The following ROR1 variants were observed in gnomAD, a reference collection of about 807,000 sequenced individuals.
ROR1 encodes the protein ROR family WNT receptor 1.
In ROR1, 19 loss-of-function variants were observed where a neutral mutation model predicts 78.8. The ratio of observed to expected loss-of-function variants is 0.24; its 90% confidence interval spans 0.17 to 0.35. The LOEUF is 0.35. Ranked by LOEUF, ROR1 falls within the 10% of genes least tolerant of loss-of-function variation. The pLI, the probability that ROR1 is intolerant of heterozygous loss-of-function variation, is 1.00. For synonymous variants in ROR1, 386 were observed against 433.6 expected, an observed-to-expected ratio of 0.89 and a Z score of 1.36; for missense variants, 917 against 1,177.8, an observed-to-expected ratio of 0.78 and a Z score of 3.24.
At chr1:63,936,583 C>T (rs1019189008) in intron 1 of ROR1, among the ~76,000 whole-genome samples, 2 of 152,160 alleles carry the variant, frequency 1.3e-5, no homozygotes, top group African/African-American at 2.4e-5. Flanking sequence ...AGAAATTTAA[C>T]TTGACACCAT....
chr1:63,790,567 A>G (rs1644719960), intron 1 of ROR1, among the ~76,000 whole-genome samples: 1 of 152,176 alleles, frequency 6.6e-6, no homozygotes, highest in African/African-American at 2.4e-5. Flanking sequence ...ATTGGCAACC[A>G]ATTCAGATTC....
At chr1:64,156,774 C>T (rs983705632) in intron 7 of ROR1, among the ~76,000 whole-genome samples, 1 of 151,796 alleles carries the variant, frequency 6.6e-6, no homozygotes, top group Non-Finnish European at 1.5e-5. Context: ...AGTGTTATTC[C>T]CTTCCTTTCA....
intron 1 of ROR1, among the ~76,000 whole-genome samples, chr1:63,777,965 A>G (rs567375635): frequency 6.6e-6 from 1 of 152,368 alleles, no homozygotes; most frequent in African/African-American, 2.4e-5. Context: ...GCAACATGGC[A>G]TATTTTCAAG....
chr1:63,857,745 GA>G (rs1381237464), intron 1 of ROR1, among the ~76,000 whole-genome samples: 1 of 152,202 alleles, frequency 6.6e-6, no homozygotes, highest in Non-Finnish European at 1.5e-5. Flanking sequence ...GGATCTTTAA[GA>G]GTCGGTAGAA....
chr1:63,942,993 A>G (rs538990157), intron 1 of ROR1, among the ~76,000 whole-genome samples: 1 of 151,228 alleles, frequency 6.6e-6, no homozygotes, highest in East Asian at 2.0e-4. Context: ...AGGAGGCTGA[A>G]GTGGGAGGAT....
rs1645375583 is a variant in ROR1 at position 63,888,911 on chromosome 1, G to GT, written c.91+114405dup. On this transcript the variant is annotated intron_variant, in intron 1 of 8. Coordinates refer to ENST00000371079, the MANE Select transcript of ROR1 (RefSeq NM_005012.4). ...AACCAATAACCCCAAAATTTAGCAGGTTAAACCCATAAAAGTTCATTATCT... is the reference window on the plus strand; with the variant it reads ...AACCAATAACCCCAAAATTTAGCAGGTTTAAACCCATAAAAGTTCATTATCT... 2.6e-5 allele frequency among the ~76,000 whole-genome samples: 4 copies of GT among 152,178 alleles called. No homozygotes were observed. In the South Asian group the frequency reaches 8.3e-4, roughly 32 times the overall value.
intron 1 of ROR1, among the ~76,000 whole-genome samples, chr1:63,972,374 T>TG (rs1417324316): frequency 6.6e-6 from 1 of 152,156 alleles, no homozygotes; most frequent in Non-Finnish European, 1.5e-5. Flanking sequence ...CCAACTTTGG[T>TG]GCATTTTTTC....
At chr1:63,811,657 G>A (rs143336106) in intron 1 of ROR1, among the ~76,000 whole-genome samples, 4 of 152,210 alleles carry the variant, frequency 2.6e-5, no homozygotes, top group African/African-American at 9.6e-5. Flanking sequence ...AGTAAGTAAG[G>A]TTCTGCTAGT....
intron 4 of ROR1, among the ~76,000 whole-genome samples, chr1:64,108,701 A>G (rs961524194): frequency 6.6e-6 from 1 of 152,134 alleles, no homozygotes; most frequent in South Asian, 2.1e-4. Flanking sequence ...AAGTTAGCAA[A>G]AGAGTGTTCA....
intron 7 of ROR1, among the ~76,000 whole-genome samples, chr1:64,149,538 T>C (rs1649563192): frequency 1.3e-5 from 2 of 152,130 alleles, no homozygotes; most frequent in South Asian, 4.2e-4. Context: ...TCCTCTTAGA[T>C]GCAGCCCTGA....
intron 1 of ROR1, among the ~76,000 whole-genome samples, chr1:63,792,742 AAG>A (rs1644734726): frequency 1.3e-5 from 2 of 151,946 alleles, no homozygotes; most frequent in Admixed American, 6.6e-5. Context: ...GCCTCTTGCA[AAG>A]AGAGAGAATG....
At chr1:63,822,058 A>T (rs1644926963) in intron 1 of ROR1, among the ~76,000 whole-genome samples, 1 of 152,226 alleles carries the variant, frequency 6.6e-6, no homozygotes, top group South Asian at 2.1e-4. Context: ...TGCCGTGATG[A>T]ATCCTTTTGT....
intron 1 of ROR1, among the ~76,000 whole-genome samples, chr1:63,918,869 G>C (rs2100426197): frequency 6.6e-6 from 1 of 152,232 alleles, no homozygotes; most frequent in Non-Finnish European, 1.5e-5. Context: ...AAAATCGGTG[G>C]GCAGTGCTGT....
chr1:64,014,740 CTATATATATA>C (rs1208813882), intron 2 of ROR1, among the ~76,000 whole-genome samples: 443 of 29,046 alleles, frequency 0.015, 56 homozygotes, highest in African/African-American at 0.045. Context: ...CATACGCACA[CTATATATATA>C]TATATATATA....
chr1:64,166,792 A>G (rs1258297620), intron 8 of ROR1, among the ~76,000 whole-genome samples: 1 of 152,100 alleles, frequency 6.6e-6, no homozygotes, highest in African/African-American at 2.4e-5. Flanking sequence ...CCCTGCTCAC[A>G]TCCTGGATAA....
At chr1:64,079,282 A>G in intron 4 of ROR1, among the ~76,000 whole-genome samples, 1 of 152,218 alleles carries the variant, frequency 6.6e-6, no homozygotes, top group African/African-American at 2.4e-5. Context: ...TGCCTCTTGA[A>G]GGATTTCAAT....
chr1:64,024,377 A>T (rs1254460593), intron 2 of ROR1, among the ~76,000 whole-genome samples: 1 of 152,150 alleles, frequency 6.6e-6, no homozygotes, highest in Non-Finnish European at 1.5e-5. Context: ...GCTACTTGGG[A>T]GGCTGAGGCA....
intron 4 of ROR1, among the ~76,000 whole-genome samples, chr1:64,091,930 C>T (rs1647201156): frequency 1.3e-5 from 2 of 152,090 alleles, no homozygotes; most frequent in Non-Finnish European, 2.9e-5. Context: ...GGCTTTTGAC[C>T]ATGTGTTTCT....
chr1:63,977,664 G>A (rs566053574), intron 1 of ROR1, among the ~76,000 whole-genome samples: 86 of 152,210 alleles, frequency 5.7e-4, no homozygotes, highest in South Asian at 3.1e-3. Context: ...GTGGTGCCTC[G>A]TCATCACCAT....
Sources: allele counts gnomAD v4.1 joint callset (sites outside exome capture counted in the v4.1 genomes callset), GRCh38; gene constraint gnomAD v4.1.1; transcripts MANE v1.5; gene names NCBI Gene and HGNC (gene_info 2026-07-23, HGNC 2026-07-21).